RBM27: variants seen among roughly 807,000 people sequenced by gnomAD.
RBM27 encodes the protein RNA binding motif protein 27, also known as RNA-binding protein 27.
In RBM27, 22 loss-of-function variants were observed where a neutral mutation model predicts 135.3. The observed-to-expected ratio is 0.16, with a 90% confidence interval of 0.12 to 0.23. The LOEUF is 0.23. Among genes scored for constraint, RBM27 ranks in the 10% least tolerant of loss-of-function variants. RBM27 has a pLI of 1.00. For synonymous variants in RBM27, 481 were observed against 442.4 expected (o/e 1.09, Z -1.10); for missense variants, 1,009 against 1,281.0 (o/e 0.79, Z 3.24).
At position 146,263,512 on chromosome 5, in the gene RBM27, T is replaced by A; in HGVS notation, c.2212T>A (p.Ser738Thr). ...IQKMMSKPQT[S>T]GAYVLNKVPV... is the part of the protein sequence containing the mutation. ...GCAGATGATGAGCAAACCACAGACA[T>A]CAGGTGCATATGTTCTTAACAAAGT... The change falls in exon 14 of 21, where the codon TCA becomes ACA. Residue 738 changes from serine (S) to threonine (T), a missense_variant. Transcript: ENST00000265271. 6.2e-7 allele frequency: 1 copy of A among 1,613,936 alleles called. No individual in the cohort carries two copies. Among genetic ancestry groups the A allele is most frequent in the Non-Finnish European group, 8.5e-7 (1 of 1,179,936 alleles).
Position 146,230,908 on chromosome 5 carries a change from G to A in RBM27, c.841G>A (p.Asp281Asn). ...RNLPPKRRCR[D>N]YDERGFCVLG... The stretch of plus-strand genomic sequence containing the variant: ...CCTACCACCAAAGAGGCGATGCAGA[G>A]ATTATGATGGTAAAAATCACCACCT... The change falls in exon 6 of 21, where the codon GAT becomes AAT. Residue 281 changes from aspartate to asparagine, a missense_variant. By Grantham distance (23) the Asp-to-Asn change is conservative (BLOSUM62 1). Around this residue, in one of 6 missense-constraint regions of RBM27, gnomAD observed 16 missense variants for 46.1 expected, o/e 0.35. Transcript: ENST00000265271. The A allele has an allele frequency of 6.2e-7, 1 of 1,613,726 alleles. No homozygotes were observed. Among genetic ancestry groups the A allele is most frequent in the Non-Finnish European group, 8.5e-7 (1 of 1,179,660 alleles).
intron 1 of RBM27, among the ~76,000 whole-genome samples, chr5:146,208,851 T>C (rs1012557826): frequency 1.3e-5 from 2 of 152,222 alleles, no homozygotes; most frequent in African/African-American, 4.8e-5. Context: ...ATTTATATTA[T>C]ATAAAATGTA....
rs1755475133 is a variant in RBM27 at position 146,203,611 on chromosome 5, T to C, written c.-155T>C. 1.5e-6 allele frequency: 1 copy of C among 666,578 alleles called. No homozygotes were observed. Among genetic ancestry groups the C allele is most frequent in the South Asian group, 1.9e-5 (1 of 53,312 alleles). The allele number at this position is 666,578 out of a possible 1,614,324, so 41.3% of individuals were successfully genotyped here. A position where few individuals can be genotyped will look rare whatever the true frequency, so the allele number is the denominator to read the frequency against. On this transcript the variant is annotated 5_prime_UTR_variant, in exon 1 of 21. Transcript: ENST00000265271. ...GAGTGAGGGCTCTTGGGTTAGTTCC[T>C]GTTAGGCCCCGGCCGGGGGAGTAGG... is the stretch of plus-strand genomic sequence containing the variant.
chr5:146,203,752 G>T lies in RBM27; in HGVS notation c.-14G>T. 3 of 1,549,090 alleles carry T rather than the reference G, an allele frequency of 1.9e-6. No homozygotes were observed. The highest frequency in any genetic ancestry group is 2.6e-6 in the Non-Finnish European group (3 of 1,145,720). On this transcript the variant is annotated 5_prime_UTR_variant, in exon 1 of 21. Transcript: ENST00000265271. ...CTGAAGAAGAGCGGCGGCCGAGCCC[G>T]CCTTCCCTGCACCATGCTCATAGAG...
chr5:146,255,034 G>A lies in RBM27; in HGVS notation c.1536G>A (p.Gln512=), dbSNP rs1758048661. Residue 512 remains glutamine (Q), a synonymous_variant, in exon 10 of 21, where the codon CAG becomes CAA. Coordinates refer to ENST00000265271, the MANE Select transcript of RBM27 (RefSeq NM_018989.2). The stretch of plus-strand genomic sequence containing the variant: ...ACAGACAGTTCTTTTCAAGAACTCA[G>A]ACACAGCGTCCCAATCTGATTGGCC... ...SQYRQFFSRT[Q]TQRPNLIGLT... is the part of the protein sequence containing the mutation. 6.2e-7 allele frequency: 1 copy of A among 1,611,416 alleles called. No individual in the cohort carries two copies. The highest frequency in any genetic ancestry group is 1.1e-5 in the South Asian group (1 of 90,998).
At position 146,251,775 on chromosome 5, in the gene RBM27, G is replaced by A. The variant is rs778235762; in HGVS notation, c.1344G>A (p.Pro448=). 6.8e-6 allele frequency: 11 copies of A among 1,613,188 alleles called. No individual in the cohort carries two copies. Among genetic ancestry groups the A allele is most frequent in the South Asian group, 4.4e-5 (4 of 91,064 alleles). ...CTGAGCGACTTCAGTTGGGGACACC[G>A]CCTCCTCTGTTGGCAGCTCGTTTGG... ...AASERLQLGT[P]PPLLAARLVP... The change falls in exon 9 of 21, where the codon CCG becomes CCA. Residue 448 remains proline (P), a synonymous_variant. Transcript: ENST00000265271.
chr5:146,279,467 A>AC (rs1759236718), intron 19 of RBM27, among the ~76,000 whole-genome samples: 4 of 151,176 alleles, frequency 2.6e-5, no homozygotes, highest in Non-Finnish European at 4.4e-5. Flanking sequence ...AAACAAAAAA[A>AC]AAACAAAACT....
At position 146,207,740 on chromosome 5, in the gene RBM27, C is replaced by T. The variant is rs181536987; in HGVS notation, c.59+3916C>T. 3.2e-3 allele frequency among the ~76,000 whole-genome samples: 459 copies of T among 143,384 alleles called. 4 individuals carry two copies. The highest frequency in any genetic ancestry group is 0.011 in the African/African-American group (440 of 38,646). The allele number at this position is 143,384 out of a possible 152,430, so 94.1% of individuals were successfully genotyped here. A position where few individuals can be genotyped will look rare whatever the true frequency, so the allele number is the denominator to read the frequency against. ...CACGATCTTGGCTCACTGCAACCTCCGTCTTCGGGGTTCAAGCGATTCTCC... is the reference window on the plus strand; with the variant it reads ...CACGATCTTGGCTCACTGCAACCTCTGTCTTCGGGGTTCAAGCGATTCTCC... On this transcript the variant is annotated intron_variant, in intron 1 of 20. Coordinates refer to ENST00000265271, the MANE Select transcript of RBM27 (RefSeq NM_018989.2).
In RBM27 at chr5:146,228,787, AT is replaced by A. The variant is rs1251684860; in HGVS notation, c.304-154del. On this transcript the variant is annotated intron_variant, in intron 3 of 20. Transcript: ENST00000265271. ...GCCCAGCTAACTTATTTTATTTATT[AT>A]TTTTAGTAGAGATGGAGTCTCCCTG... 2.0e-5 allele frequency among the ~76,000 whole-genome samples: 3 copies of A among 151,924 alleles called. No individual in the cohort carries two copies. In the East Asian group the frequency reaches 5.8e-4, roughly 29 times the overall value.
In RBM27 at chr5:146,233,612, G is replaced by C. The variant is rs1033676465; in HGVS notation, c.1013G>C (p.Gly338Ala). ...GGAATGTTAATGCCTCCAATGCCAG[G>C]TCCAGGCCCAGGCCCGGGCCCAGGT... ...PPGMLMPPMPGPGPGPGPGPG... is the reference protein window; with the variant it reads ...PPGMLMPPMPAPGPGPGPGPG... The change falls in exon 7 of 21, where the codon GGT becomes GCT. Residue 338 changes from glycine (G) to alanine (A), a missense_variant. This residue lies in a region of RBM27 where 329 missense variants were observed against 368.1 expected (regional missense o/e 0.89). Coordinates refer to ENST00000265271, the MANE Select transcript of RBM27 (RefSeq NM_018989.2). 3 of 1,604,322 alleles carry C rather than the reference G, an allele frequency of 1.9e-6. No homozygotes were observed. The African/African-American group carries it at 4.0e-5, about 22-fold the overall frequency.
At chr5:146,250,481 A>G (rs1757834957) in intron 8 of RBM27, among the ~76,000 whole-genome samples, 1 of 151,878 alleles carries the variant, frequency 6.6e-6, no homozygotes, top group African/African-American at 2.4e-5. Flanking sequence ...TCACATAGTA[A>G]ATGTCTGATG....
intron 17 of RBM27, among the ~76,000 whole-genome samples, chr5:146,270,460 A>G (rs1758813537): frequency 6.6e-6 from 1 of 152,216 alleles, no homozygotes; most frequent in African/African-American, 2.4e-5. Context: ...GAAAGAATAT[A>G]TATGCACATT....
Position 146,286,154 on chromosome 5 carries a change from C to A in RBM27, c.*124C>A. 1.5e-6 allele frequency: 1 copy of A among 671,670 alleles called. No homozygotes were observed. The highest frequency in any genetic ancestry group is 2.5e-6 in the Non-Finnish European group (1 of 407,572). The allele number at this position is 671,670 out of a possible 1,614,324, so 41.6% of individuals were successfully genotyped here. A position where few individuals can be genotyped will look rare whatever the true frequency, so the allele number is the denominator to read the frequency against. The stretch of plus-strand genomic sequence containing the variant: ...ATTTTTCTTTTCAACACAGTAGGTT[C>A]AAGAACAGCAAGTTTGCTATTTAAA... On this transcript the variant is annotated 3_prime_UTR_variant, in exon 21 of 21. Coordinates refer to ENST00000265271, the MANE Select transcript of RBM27 (RefSeq NM_018989.2).
chr5:146,251,674 C>G (rs964185494), intron 8 of RBM27, 37 bp from the exon 9 acceptor site: 6 of 1,546,636 alleles, frequency 3.9e-6, no homozygotes, highest in Non-Finnish European at 5.3e-6. Context: ...GCTTGTGACT[C>G]TCATTCCCAG....
intron 1 of RBM27, among the ~76,000 whole-genome samples, chr5:146,218,329 T>C (rs17501177): frequency 0.21 from 31,883 of 152,116 alleles, 4,257 homozygotes; most frequent in Admixed American, 0.33. Flanking sequence ...AAATGAGAAG[T>C]AGATAAAGGT....
In RBM27 at chr5:146,286,597, T is replaced by A. The variant is rs905161976; in HGVS notation, c.*567T>A. 6.6e-6 allele frequency: 1 copy of A among 152,056 alleles called. No homozygotes were observed. The allele number at this position is 152,056 out of a possible 1,614,324, so 9.4% of individuals were successfully genotyped here. On this transcript the variant is annotated 3_prime_UTR_variant, in exon 21 of 21. Coordinates refer to ENST00000265271, the MANE Select transcript of RBM27 (RefSeq NM_018989.2). ...AGTCTAAATTTGTTTTTCATGGTTT[T>A]TATGTGTGGTAGTACTAGTTCAGTG...
At chr5:146,285,775 A>G (rs923909608) in intron 20 of RBM27, among the ~76,000 whole-genome samples, 172 bp from the exon 21 acceptor site, 5 of 150,926 alleles carry the variant, frequency 3.3e-5, no homozygotes, top group Non-Finnish European at 7.4e-5. Context: ...ATATTCATTT[A>G]CAAAAATATT....
chr5:146,252,869 A>G (rs1757955430), intron 9 of RBM27, among the ~76,000 whole-genome samples: 1 of 152,246 alleles, frequency 6.6e-6, no homozygotes, highest in Non-Finnish European at 1.5e-5. Flanking sequence ...AAAAATTTAT[A>G]AAGAGAGGAG....
intron 1 of RBM27, among the ~76,000 whole-genome samples, chr5:146,216,403 T>C (rs1169239693): frequency 6.6e-6 from 1 of 152,180 alleles, no homozygotes; most frequent in Non-Finnish European, 1.5e-5. Flanking sequence ...AAAAATTGTA[T>C]GTATTTAAGG....
Sources: allele counts gnomAD v4.1 joint callset (sites outside exome capture counted in the v4.1 genomes callset), GRCh38; gene constraint gnomAD v4.1.1; regional missense constraint gnomAD v4.1.1; transcripts MANE v1.5; gene names NCBI Gene and HGNC (gene_info 2026-07-23, HGNC 2026-07-21).